CEP120: variants seen among roughly 807,000 people sequenced by gnomAD.
CEP120 encodes the protein centrosomal protein 120.
Under a neutral mutation model 126.5 loss-of-function variants are expected in CEP120, and 113 were observed. The ratio of observed to expected loss-of-function variants is 0.89; its 90% CI spans 0.77 to 1.04. The LOEUF (loss-of-function observed/expected upper bound fraction) is 1.04, where lower values mean the gene tolerates loss of function less well. CEP120 is among the 50% of genes least tolerant of loss of function. The pLI is 0.00. For synonymous variants in CEP120, 400 were observed against 394.3 expected, an observed-to-expected ratio of 1.01 and a Z score of -0.17; for missense variants, 1,230 against 1,155.7, an observed-to-expected ratio of 1.06 and a Z score of -0.93.
intron 11 of CEP120, among the ~76,000 whole-genome samples, chr5:123,383,774 A>G (rs1309012880): frequency 6.6e-6 from 1 of 152,124 alleles, no homozygotes; most frequent in Non-Finnish European, 1.5e-5. Context: ...ATACAACTGC[A>G]TGCAGCATTT....
chr5:123,357,307 A>G (rs1769708584), intron 18 of CEP120, among the ~76,000 whole-genome samples: 1 of 152,068 alleles, frequency 6.6e-6, no homozygotes, highest in Non-Finnish European at 1.5e-5. Flanking sequence ...TTTTGAATCT[A>G]TGAAGTGATA....
intron 1 of CEP120, chr5:123,422,596 T>C (rs1408938852): frequency 6.8e-7 from 1 of 1,478,500 alleles, no homozygotes; most frequent in South Asian, 1.2e-5. Context: ...GTCAAAGCTC[T>C]TACAAGTGCT....
intron 4 of CEP120, chr5:123,403,256 C>T (rs568908752): frequency 3.3e-5 from 15 of 454,930 alleles, no homozygotes; most frequent in Non-Finnish European, 5.7e-5. Context: ...CATTCTTTAC[C>T]GAAAGGAAGC....
chr5:123,404,828 A>G (rs1277963438), intron 4 of CEP120, among the ~76,000 whole-genome samples: 3 of 152,228 alleles, frequency 2.0e-5, no homozygotes, highest in East Asian at 1.9e-4. Context: ...TATGATTTCA[A>G]TTTCACTATT....
intron 4 of CEP120, among the ~76,000 whole-genome samples, chr5:123,411,422 A>G (rs937471050): frequency 6.6e-6 from 1 of 152,220 alleles, no homozygotes; most frequent in Admixed American, 6.5e-5. Context: ...TATAATTGCC[A>G]AAAGTTAGAA....
chr5:123,347,153 C>G (rs1352003707), intron 19 of CEP120, among the ~76,000 whole-genome samples: 1 of 152,068 alleles, frequency 6.6e-6, no homozygotes, highest in African/African-American at 2.4e-5. Flanking sequence ...AAACTTGATA[C>G]TACATATGCA....
At chr5:123,396,990 A>C (rs1772835848) in intron 5 of CEP120, among the ~76,000 whole-genome samples, 1 of 152,222 alleles carries the variant, frequency 6.6e-6, no homozygotes, top group Non-Finnish European at 1.5e-5. Flanking sequence ...AAATATGAAC[A>C]ATTATGCTTC....
At chr5:123,398,880 T>C (rs898675713) in intron 5 of CEP120, among the ~76,000 whole-genome samples, 1 of 152,198 alleles carries the variant, frequency 6.6e-6, no homozygotes, top group African/African-American at 2.4e-5. Context: ...CACAGTACAA[T>C]GGAAAACAAT....
At chr5:123,395,700 G>C (rs12657725) in intron 5 of CEP120, among the ~76,000 whole-genome samples, 1 of 65,674 alleles carries the variant, frequency 1.5e-5, no homozygotes, top group Non-Finnish European at 3.0e-5. Flanking sequence ...TTTTTTTTTT[G>C]AGACAGATTC....
chr5:123,353,152 G>T (rs1223525406), intron 18 of CEP120, among the ~76,000 whole-genome samples: 1 of 151,808 alleles, frequency 6.6e-6, no homozygotes, highest in African/African-American at 2.4e-5. Flanking sequence ...ATACAATGTT[G>T]AAAAGAAACG....
At position 123,378,342 on chromosome 5, in the gene CEP120, T is replaced by C; in HGVS notation, c.2190A>G (p.Glu730=). 3.1e-6 allele frequency: 5 copies of C among 1,602,450 alleles called. No homozygotes were observed. Among genetic ancestry groups the C allele is most frequent in the Non-Finnish European group, 4.3e-6 (5 of 1,175,636 alleles). Residue 730 remains glutamate (E), a synonymous_variant, in exon 15 of 20, where the codon GAA becomes GAG. Coordinates refer to ENST00000306467, the MANE Select transcript of CEP120 (RefSeq NM_001375405.1). ...CAATGGACGAATGACATACCTCTGA[T>C]TCCACACTAGCAAGCTGCTGCTCTC... ...EKREQQLASV[E]SELQREKKEL...
rs1298574319 is a variant in CEP120 at position 123,378,320 on chromosome 5, T to C, written c.2196+16A>G. On this transcript the variant is annotated intron_variant, in intron 15 of 19. Transcript: ENST00000306467. ...CCCTCTATGCTGAAAAAAAATACAA[T>C]GGACGAATGACATACCTCTGATTCC... is the stretch of plus-strand genomic sequence containing the variant. 5 of 1,569,370 alleles carry C rather than the reference T, an allele frequency of 3.2e-6. No homozygotes were observed. The highest frequency in any genetic ancestry group is 3.5e-6 in the Non-Finnish European group (4 of 1,158,288).
intron 18 of CEP120, among the ~76,000 whole-genome samples, chr5:123,362,566 T>G (rs893653434): frequency 1.3e-5 from 2 of 151,796 alleles, no homozygotes; most frequent in African/African-American, 4.8e-5. Flanking sequence ...ACCTGCTATG[T>G]AGGGATCTTT....
At chr5:123,368,961 T>C (rs991532680) in intron 17 of CEP120, among the ~76,000 whole-genome samples, 2 of 151,182 alleles carry the variant, frequency 1.3e-5, no homozygotes, top group Non-Finnish European at 3.0e-5. Flanking sequence ...GTTACCTAGG[T>C]TTTTTTTTCC....
At chr5:123,370,081 T>C (rs887277229) in intron 17 of CEP120, among the ~76,000 whole-genome samples, 1 of 152,026 alleles carries the variant, frequency 6.6e-6, no homozygotes, top group African/African-American at 2.4e-5. Flanking sequence ...ATAACAAATG[T>C]TTACTCAGTG....
intron 19 of CEP120, among the ~76,000 whole-genome samples, chr5:123,349,531 A>C (rs990601985): frequency 6.6e-6 from 1 of 152,204 alleles, no homozygotes; most frequent in Admixed American, 6.5e-5. Flanking sequence ...CACAAAAATA[A>C]ATTTTAAAGT....
At position 123,383,456 on chromosome 5, in the gene CEP120, T is replaced by C. The variant is rs116244123; in HGVS notation, c.1764-374A>G. ...ACACATGCATGCTGACTTCATACAGTTTTGTCTTGTTTTCCTATTTACATC... is the reference window on the plus strand; with the variant it reads ...ACACATGCATGCTGACTTCATACAGCTTTGTCTTGTTTTCCTATTTACATC... On this transcript the variant is annotated intron_variant, in intron 11 of 19. Transcript: ENST00000306467. Among the ~76,000 whole-genome samples, 919 of 152,196 alleles carry C rather than the reference T, an allele frequency of 6.0e-3. 4 individuals are homozygous for C. The highest frequency in any genetic ancestry group is 9.2e-3 in the Non-Finnish European group (625 of 68,004).
chr5:123,382,915 T>C (rs751552892), intron 12 of CEP120, 26 bp from the exon 13 acceptor site: 1 of 1,611,132 alleles, frequency 6.2e-7, no homozygotes. Flanking sequence ...AAAAGTACAT[T>C]TAAACACTCA....
intron 18 of CEP120, among the ~76,000 whole-genome samples, chr5:123,357,130 G>A (rs1769693457): frequency 6.6e-6 from 1 of 151,866 alleles, no homozygotes; most frequent in Admixed American, 6.6e-5. Context: ...CTTTATTTTT[G>A]TTAAAAAGTC....
Sources: gnomAD v4.1 joint callset for allele counts (sites outside exome capture counted in the v4.1 genomes callset) on GRCh38, gnomAD v4.1.1 for gene constraint, MANE v1.5 for transcripts, NCBI Gene and HGNC (gene_info 2026-07-23, HGNC 2026-07-21) for gene names.